ADAMTSL1: variants seen among roughly 807,000 people sequenced by gnomAD.
ADAMTSL1 encodes ADAMTS-like protein 1.
Under a neutral mutation model 201.8 loss-of-function variants are expected in ADAMTSL1, and 126 were observed. The observed-to-expected ratio is 0.62, with a 90% confidence interval of 0.54 to 0.72. The LOEUF is 0.72. ADAMTSL1 is among the 30% of genes least tolerant of loss of function. ADAMTSL1 has a pLI of 0.00. For synonymous variants in ADAMTSL1, 1,121 were observed against 903.4 expected (o/e 1.24, Z -4.32); for missense variants, 2,679 against 2,277.8 (o/e 1.18, Z -3.59).
chr9:18,015,177 G>A (rs1010858206), intron 1 of ADAMTSL1, among the ~76,000 whole-genome samples: 1 of 152,004 alleles, frequency 6.6e-6, no homozygotes, highest in Non-Finnish European at 1.5e-5. Context: ...GCATGCTCTG[G>A]TACACATGGG....
chr9:18,283,481 C>T (rs1203747410), intron 2 of ADAMTSL1, among the ~76,000 whole-genome samples: 2 of 151,654 alleles, frequency 1.3e-5, no homozygotes, highest in Admixed American at 6.6e-5. Flanking sequence ...TGGTACACAC[C>T]TGTAGTCACA....
chr9:18,858,412 G>C (rs1219648150), intron 23 of ADAMTSL1, among the ~76,000 whole-genome samples: 2 of 152,024 alleles, frequency 1.3e-5, no homozygotes, highest in East Asian at 3.9e-4. Context: ...ATCCCATCCT[G>C]GACTACCACG....
chr9:18,837,577 G>A (rs768687666), intron 23 of ADAMTSL1, among the ~76,000 whole-genome samples: 4 of 152,174 alleles, frequency 2.6e-5, no homozygotes, highest in Non-Finnish European at 5.9e-5. Context: ...TCTTTTAAGT[G>A]GTTCTTCCCC....
intron 1 of ADAMTSL1, among the ~76,000 whole-genome samples, chr9:18,130,137 A>G (rs1010430975): frequency 6.6e-6 from 1 of 152,116 alleles, no homozygotes; most frequent in Non-Finnish European, 1.5e-5. Context: ...ACTTCTTGCC[A>G]TCACAGTAAC....
chr9:18,501,891 G>A (rs999926448), intron 1 of ADAMTSL1, among the ~76,000 whole-genome samples: 9 of 152,188 alleles, frequency 5.9e-5, no homozygotes, highest in African/African-American at 2.2e-4. Flanking sequence ...GTGCTGAAAC[G>A]TGTAATATGT....
In ADAMTSL1 at chr9:18,777,678, C is replaced by G. The variant is rs927451071; in HGVS notation, c.3449C>G (p.Thr1150Ser). ...GFSSSLRTSS[T>S]GDAGGGSRRP... is the part of the protein sequence containing the mutation. ...AGCAGCTCCCTGCGGACCTCCTCCA[C>G]CGGGGACGCCGGGGGAGGCTCTCGA... Residue 1150 changes from threonine (T) to serine (S), a missense_variant, in exon 19 of 29, where the codon ACC becomes AGC. Transcript: ENST00000380548. The G allele has an allele frequency of 6.2e-6, 10 of 1,613,382 alleles. No individual in the cohort carries two copies. In the African/African-American group the frequency reaches 1.3e-4, roughly 22 times the overall value.
In ADAMTSL1 at chr9:18,412,173, A is replaced by G. The variant is rs190247228; in HGVS notation, c.208-92656A>G. Among the ~76,000 whole-genome samples, 78 of 152,270 alleles carry G rather than the reference A, an allele frequency of 5.1e-4. 1 individual carries two copies. The East Asian group carries it at 9.7e-3, about 19-fold the overall frequency. ...ACTTTTCCTGTTAACCAAAATTCAG[A>G]TCTAGAGGCATTATTTAATTTAGGT... On this transcript the variant is annotated intron_variant, in intron 2 of 29. Transcript: ENST00000680146.
chr9:18,863,389 G>A (rs1318039839), intron 23 of ADAMTSL1, among the ~76,000 whole-genome samples: 2 of 152,188 alleles, frequency 1.3e-5, no homozygotes, highest in Non-Finnish European at 2.9e-5. Context: ...CAAAGCTTAC[G>A]CTAGGGGTGA....
At chr9:18,634,911 T>TATATAAATATGTATGTAAATATATCTTTA (rs1554719412) in intron 5 of ADAMTSL1, among the ~76,000 whole-genome samples, 1 of 81,438 alleles carries the variant, frequency 1.2e-5, no homozygotes, top group African/African-American at 8.3e-5. Flanking sequence ...ATATATTTAA[T>TATATAAATATGTATGTAAATATATCTTTA]ATATATATAT....
At chr9:18,355,941 G>T (rs1435637763) in intron 2 of ADAMTSL1, among the ~76,000 whole-genome samples, 1 of 152,216 alleles carries the variant, frequency 6.6e-6, no homozygotes, top group East Asian at 1.9e-4. Flanking sequence ...GTGACGCCCT[G>T]CCTGGGCCTT....
intron 2 of ADAMTSL1, among the ~76,000 whole-genome samples, chr9:18,342,273 G>A (rs532725858): frequency 1.7e-3 from 264 of 152,186 alleles, no homozygotes; most frequent in African/African-American, 6.0e-3. Flanking sequence ...ATCTTCCTTT[G>A]AGTAATTGTT....
At chr9:18,867,206 G>A (rs1827587348) in intron 23 of ADAMTSL1, among the ~76,000 whole-genome samples, 1 of 152,228 alleles carries the variant, frequency 6.6e-6, no homozygotes, top group African/African-American at 2.4e-5. Flanking sequence ...CAAAGGTATT[G>A]AGCACAAATG....
intron 26 of ADAMTSL1, among the ~76,000 whole-genome samples, chr9:18,894,362 G>GT (rs1829482091): frequency 1.9e-5 from 1 of 51,574 alleles, no homozygotes; most frequent in Non-Finnish European, 3.9e-5. Context: ...TTTTTTTTTT[G>GT]AAAAAGGTAT....
intron 2 of ADAMTSL1, among the ~76,000 whole-genome samples, chr9:18,235,739 T>C (rs924153453): frequency 9.2e-5 from 14 of 152,000 alleles, no homozygotes; most frequent in African/African-American, 3.4e-4. Flanking sequence ...ATTGCAGGAG[T>C]GGTGCTGACC....
intron 20 of ADAMTSL1, among the ~76,000 whole-genome samples, chr9:18,814,800 A>G (rs920934289): frequency 2.0e-5 from 3 of 152,160 alleles, no homozygotes; most frequent in Admixed American, 1.3e-4. Context: ...TGGCTGATGA[A>G]ATAATCTGTA....
chr9:18,618,885 G>A (rs987747929), intron 4 of ADAMTSL1, among the ~76,000 whole-genome samples: 14 of 152,070 alleles, frequency 9.2e-5, no homozygotes, highest in African/African-American at 3.1e-4. Context: ...TGCTAACCCA[G>A]ATAAAATTGG....
At chr9:17,986,281 A>G (rs992703648) in intron 1 of ADAMTSL1, among the ~76,000 whole-genome samples, 8 of 152,036 alleles carry the variant, frequency 5.3e-5, no homozygotes, top group Non-Finnish European at 7.4e-5. Flanking sequence ...CCTTTCTGCA[A>G]TGACCACCTA....
At chr9:18,725,456 G>T (rs1817823108) in intron 15 of ADAMTSL1, among the ~76,000 whole-genome samples, 1 of 152,186 alleles carries the variant, frequency 6.6e-6, no homozygotes, top group South Asian at 2.1e-4. Flanking sequence ...AGCTGCCAGT[G>T]AGAATTTTCC....
At chr9:18,416,307 A>G (rs529206701) in intron 2 of ADAMTSL1, among the ~76,000 whole-genome samples, 1 of 152,108 alleles carries the variant, frequency 6.6e-6, no homozygotes, top group South Asian at 2.1e-4. Context: ...GAGATATACT[A>G]TAAACCCTAA....
Sources: allele counts gnomAD v4.1 joint callset (sites outside exome capture counted in the v4.1 genomes callset), GRCh38; gene constraint gnomAD v4.1.1; transcripts MANE v1.5; gene names NCBI Gene and HGNC (gene_info 2026-07-23, HGNC 2026-07-21).